CPED1: variants seen among roughly 807,000 people sequenced by gnomAD.
CPED1 encodes cadherin like and PC-esterase domain containing 1, also known as cadherin-like and PC-esterase domain-containing protein 1.
CPED1 carries 114 observed loss-of-function variants against 128.2 expected under a neutral mutation model. The observed-to-expected ratio is 0.89, with a 90% CI of 0.76 to 1.04. CPED1 has a LOEUF of 1.04. Among genes scored for constraint, CPED1 ranks in the 50% least tolerant of loss-of-function variants. The pLI, the probability that CPED1 is intolerant of heterozygous loss-of-function variation, is 0.00. For missense variants in CPED1, 1,211 were observed against 1,207.1 expected (o/e 1.00, Z -0.05); for synonymous variants, 462 against 426.7 (o/e 1.08, Z -1.02).
intron 4 of CPED1, chr7:121,052,047 C>A (rs1563006784): frequency 6.6e-6 from 1 of 152,366 alleles, no homozygotes; most frequent in African/African-American, 2.4e-5. Context: ...AAGTGTCTTC[C>A]ACGTACTTAG....
At chr7:121,230,782 C>G (rs890776056) in intron 16 of CPED1, among the ~76,000 whole-genome samples, 2 of 152,042 alleles carry the variant, frequency 1.3e-5, no homozygotes, top group Non-Finnish European at 2.9e-5. Flanking sequence ...ATTTCACTGA[C>G]CAGAAATGTG....
chr7:121,274,880 G>A (rs1313941085), intron 22 of CPED1, among the ~76,000 whole-genome samples: 1 of 152,086 alleles, frequency 6.6e-6, no homozygotes, highest in South Asian at 2.1e-4. Flanking sequence ...GTTGGTGACT[G>A]CTCTCATGTC....
intron 2 of CPED1, among the ~76,000 whole-genome samples, chr7:120,995,877 C>T (rs6956237): frequency 0.63 from 81,656 of 128,632 alleles, 22,225 homozygotes; most frequent in Middle Eastern, 0.7. Flanking sequence ...TCTTCCTCTT[C>T]TTCTTCTTCT....
intron 16 of CPED1, among the ~76,000 whole-genome samples, chr7:121,196,262 G>A (rs979043983): frequency 1.3e-5 from 2 of 152,000 alleles, no homozygotes; most frequent in African/African-American, 4.8e-5. Context: ...TGAAACTTCA[G>A]TCTGCTCAGT....
intron 3 of CPED1, among the ~76,000 whole-genome samples, chr7:121,025,922 A>G (rs1792568095): frequency 6.6e-6 from 1 of 152,122 alleles, no homozygotes; most frequent in South Asian, 2.1e-4. Flanking sequence ...TACCGCCTCA[A>G]CATGTATAAA....
chr7:121,023,004 G>A (rs1380503589), intron 3 of CPED1, among the ~76,000 whole-genome samples: 1 of 150,850 alleles, frequency 6.6e-6, no homozygotes, highest in Non-Finnish European at 1.5e-5. Context: ...TACTTCATAG[G>A]ATAGTAAGTG....
chr7:121,243,051 C>T (rs1798439471), intron 17 of CPED1, among the ~76,000 whole-genome samples: 1 of 151,992 alleles, frequency 6.6e-6, no homozygotes, highest in Admixed American at 6.6e-5. Flanking sequence ...AATATAACAC[C>T]AGATACCATT....
intron 16 of CPED1, among the ~76,000 whole-genome samples, chr7:121,183,124 C>T (rs1406680399): frequency 6.6e-6 from 1 of 152,046 alleles, no homozygotes; most frequent in Non-Finnish European, 1.5e-5. Context: ...AAGCTTTCCC[C>T]AAGTGCTGAG....
chr7:121,070,359 C>G (rs764234781), intron 5 of CPED1, among the ~76,000 whole-genome samples: 32 of 151,876 alleles, frequency 2.1e-4, no homozygotes, highest in Non-Finnish European at 4.1e-4. Context: ...CCTGATACCC[C>G]CTCTCTGTGG....
chr7:121,207,275 T>A (rs555682686), intron 16 of CPED1, among the ~76,000 whole-genome samples: 1 of 152,086 alleles, frequency 6.6e-6, no homozygotes, highest in South Asian at 2.1e-4. Context: ...AAATGGAATT[T>A]AAAAAAAATT....
intron 5 of CPED1, among the ~76,000 whole-genome samples, chr7:121,095,748 A>G (rs1794683176): frequency 6.6e-6 from 1 of 152,122 alleles, no homozygotes; most frequent in South Asian, 2.1e-4. Flanking sequence ...AAAATTGTTT[A>G]TTCTTTTGAC....
chr7:121,190,826 CT>C (rs1797119852), intron 16 of CPED1, among the ~76,000 whole-genome samples: 1 of 152,086 alleles, frequency 6.6e-6, no homozygotes, highest in Non-Finnish European at 1.5e-5. Context: ...CTGGATTATT[CT>C]ACCACATTTA....
Position 121,214,267 on chromosome 7 carries a change from A to T in CPED1, c.2056-22447A>T, listed in dbSNP as rs139997574. On this transcript the variant is annotated intron_variant, in intron 16 of 22. Coordinates refer to ENST00000310396, the MANE Select transcript of CPED1 (RefSeq NM_024913.5). Reference sequence around the variant, plus strand: ...TAAATATCATAGGATAGTGACCTTTAAGGCTGCTCCTTAGAGTATTTTATC... The same window carrying T: ...TAAATATCATAGGATAGTGACCTTTTAGGCTGCTCCTTAGAGTATTTTATC... Among the ~76,000 whole-genome samples, 540 of 151,994 alleles carry T rather than the reference A, an allele frequency of 3.6e-3. 9 individuals are homozygous for T. Among genetic ancestry groups the T allele is most frequent in the African/African-American group, 0.012 (513 of 41,494 alleles).
chr7:121,050,271 T>C (rs1400215499), intron 4 of CPED1: 1 of 152,326 alleles, frequency 6.6e-6, no homozygotes, highest in African/African-American at 2.4e-5. Context: ...ACCTGGATTT[T>C]AGGCAGGGCT....
intron 11 of CPED1, among the ~76,000 whole-genome samples, chr7:121,129,522 T>A (rs573670484): frequency 6.6e-6 from 1 of 151,566 alleles, no homozygotes; most frequent in African/African-American, 2.4e-5. Flanking sequence ...AACGTATAAG[T>A]ATTACATTCA....
At chr7:121,168,046 C>T (rs1394355125) in intron 16 of CPED1, among the ~76,000 whole-genome samples, 1 of 152,054 alleles carries the variant, frequency 6.6e-6, no homozygotes, top group African/African-American at 2.4e-5. Flanking sequence ...AAGTCTATTG[C>T]TTTTAAACTC....
At chr7:121,014,549 C>CAAAAAAAAAAAAAAAAAA (rs34128129) in intron 2 of CPED1, among the ~76,000 whole-genome samples, 1 of 117,198 alleles carries the variant, frequency 8.5e-6, no homozygotes, top group Non-Finnish European at 1.8e-5. Flanking sequence ...GACTTTGTCT[C>CAAAAAAAAAAAAAAAAAA]AAAAAAAAAA....
chr7:121,041,890 T>C (rs1258270130), intron 3 of CPED1, among the ~76,000 whole-genome samples: 1 of 152,130 alleles, frequency 6.6e-6, no homozygotes, highest in Non-Finnish European at 1.5e-5. Flanking sequence ...TCTGAGAAGT[T>C]TTCATCTTTT....
chr7:121,001,965 T>C (rs923666446), intron 2 of CPED1, among the ~76,000 whole-genome samples: 1 of 151,070 alleles, frequency 6.6e-6, no homozygotes, highest in Admixed American at 6.6e-5. Context: ...TCATTGCATT[T>C]GGTGCCTCTT....
Sources: allele counts gnomAD v4.1 joint callset (sites outside exome capture counted in the v4.1 genomes callset), GRCh38; gene constraint gnomAD v4.1.1; transcripts MANE v1.5; gene names NCBI Gene and HGNC (gene_info 2026-07-23, HGNC 2026-07-21).